The following TRIM5 variants were observed in gnomAD, a reference collection of about 807,000 sequenced individuals.
TRIM5 encodes the protein tripartite motif-containing protein 5.
TRIM5 carries 31 observed loss-of-function variants against 35.6 expected under a neutral mutation model. The observed-to-expected ratio is 0.87, with a 90% CI of 0.65 to 1.18. The LOEUF is 1.18. TRIM5 is among the 50% of genes most tolerant of loss of function. TRIM5 has a pLI of 0.00. For synonymous variants in TRIM5, 243 were observed against 215.6 expected, an observed-to-expected ratio of 1.13 and a Z score of -1.11; for missense variants, 609 against 591.6, an observed-to-expected ratio of 1.03 and a Z score of -0.31.
At chr11:5,603,049 G>A in the TRIM5 span, among the ~76,000 whole-genome samples, 1 of 152,296 alleles carries the variant, frequency 6.6e-6, no homozygotes, top group Non-Finnish European at 1.5e-5. Flanking sequence ...AGGAGCAAGA[G>A]GAAATTATCA....
At chr11:5,608,590 T>C in the TRIM5 span, among the ~76,000 whole-genome samples, 1 of 151,982 alleles carries the variant, frequency 6.6e-6, no homozygotes, top group Non-Finnish European at 1.5e-5. Flanking sequence ...ATGTGGGTGA[T>C]GGGAGGTCAG....
At chr11:5,596,988 G>C in the TRIM5 span, 127 of 1,606,888 alleles carry the variant, frequency 7.9e-5, no homozygotes, top group Non-Finnish European at 1.1e-4. Context: ...AAAGAGATAA[G>C]GTCCTTTCCC....
At chr11:5,665,563 A>G (rs775073090) in intron 7 of TRIM5, 93 bp downstream of exon 7, 1 of 1,582,222 alleles carries the variant, frequency 6.3e-7, no homozygotes, top group South Asian at 1.2e-5. Flanking sequence ...ATCTTAAAAC[A>G]TGAGCCTAAT....
At chr11:5,590,058 A>T in the TRIM5 span, 1 of 157,086 alleles carries the variant, frequency 6.4e-6, no homozygotes, top group African/African-American at 2.4e-5. Context: ...GTCCCCCAGC[A>T]GTGCCAGCCC....
chr11:5,657,434 A>G, the TRIM5 span, among the ~76,000 whole-genome samples: 1 of 148,380 alleles, frequency 6.7e-6, no homozygotes, highest in Non-Finnish European at 1.5e-5. Flanking sequence ...CGTTCTGCAC[A>G]TGTATCCCAG....
At chr11:5,610,200 A>T in the TRIM5 span, 1 of 1,614,130 alleles carries the variant, frequency 6.2e-7, no homozygotes, top group Non-Finnish European at 8.5e-7. Flanking sequence ...GCTGAGAAGT[A>T]TGTTCCGAGC....
the TRIM5 span, among the ~76,000 whole-genome samples, chr11:5,599,400 T>C: frequency 6.6e-6 from 1 of 151,126 alleles, no homozygotes; most frequent in African/African-American, 2.4e-5. Context: ...TTTATTTATT[T>C]ATTTATTTAT....
At chr11:5,652,933 G>A in the TRIM5 span, among the ~76,000 whole-genome samples, 659 of 150,782 alleles carry the variant, frequency 4.4e-3, 4 homozygotes, top group African/African-American at 0.015. Flanking sequence ...CTCACTGCAA[G>A]CTCCAGCCTC....
At position 5,664,212 on chromosome 11, in the gene TRIM5, A is replaced by AAAG. The variant is rs1850958625; in HGVS notation, c.*596_*597insCTT. ...GCAAAACTTCATCTCAAAAAAAAAA[A>AAAG]AAAAGAAAAAAGAAAAGAAAAGGAA... On this transcript the variant is annotated 3_prime_UTR_variant, in exon 8 of 8. Transcript: ENST00000380034. 1 of 977,530 alleles carries AAAG rather than the reference A, an allele frequency of 1.0e-6. No individual in the cohort carries two copies. The highest frequency in any genetic ancestry group is 6.2e-5 in the Admixed American group (1 of 16,200). 60.6% of individuals were successfully genotyped at this position (977,530 alleles called of 1,614,324 possible).
intron 4 of TRIM5, among the ~76,000 whole-genome samples, chr11:5,674,192 A>C (rs947596222): frequency 1.3e-5 from 2 of 152,222 alleles, no homozygotes; most frequent in African/African-American, 2.4e-5. Context: ...AAGAGGAGAC[A>C]TAAGTGTGTG....
chr11:5,610,051 G>C, the TRIM5 span: 4 of 1,304,472 alleles, frequency 3.1e-6, no homozygotes, highest in Non-Finnish European at 4.3e-6. Flanking sequence ...AAGGAGGATT[G>C]GAATTCATCA....
chr11:5,602,370 G>C, the TRIM5 span, among the ~76,000 whole-genome samples: 2,186 of 151,984 alleles, frequency 0.014, 21 homozygotes, highest in Middle Eastern at 0.024. Flanking sequence ...TTGAACCCAG[G>C]AGGCGGAGCT....
At chr11:5,592,043 C>CTATAGTTAA in the TRIM5 span, among the ~76,000 whole-genome samples, 1 of 152,048 alleles carries the variant, frequency 6.6e-6, no homozygotes, top group Non-Finnish European at 1.5e-5. Flanking sequence ...GAGGTCTGAT[C>CTATAGTTAA]TATAGTTAAT....
chr11:5,624,114 T>C, the TRIM5 span, among the ~76,000 whole-genome samples: 8 of 152,178 alleles, frequency 5.3e-5, no homozygotes, highest in Non-Finnish European at 1.2e-4. Context: ...GATTTCAAGG[T>C]TACCTCAGTT....
the TRIM5 span, among the ~76,000 whole-genome samples, chr11:5,601,737 G>A: frequency 3.3e-5 from 5 of 152,302 alleles, no homozygotes; most frequent in South Asian, 6.2e-4. Context: ...CAGCCTGGGC[G>A]ATAGAGCAAG....
intron 1 of TRIM5, among the ~76,000 whole-genome samples, chr11:5,682,662 T>C (rs59421945): frequency 0.019 from 2,839 of 152,300 alleles, 51 homozygotes; most frequent in Non-Finnish European, 0.03. Flanking sequence ...CAATCCCTAA[T>C]TGCCTTTAGA....
At chr11:5,602,777 A>C in the TRIM5 span, among the ~76,000 whole-genome samples, 1 of 151,292 alleles carries the variant, frequency 6.6e-6, no homozygotes, top group South Asian at 2.1e-4. Context: ...AACATGGTGA[A>C]ACTCCATCTC....
chr11:5,623,120 T>TTA, the TRIM5 span, among the ~76,000 whole-genome samples: 6 of 151,036 alleles, frequency 4.0e-5, no homozygotes, highest in Non-Finnish European at 5.9e-5. Flanking sequence ...TTTTTTTTTT[T>TTA]TTTTTTATCT....
At chr11:5,616,871 C>G in the TRIM5 span, among the ~76,000 whole-genome samples, 3 of 142,864 alleles carry the variant, frequency 2.1e-5, no homozygotes, top group Non-Finnish European at 4.6e-5. Flanking sequence ...TCCCAAGTAC[C>G]TGGGATGAAA....
Sources: gnomAD v4.1 joint callset for allele counts (sites outside exome capture counted in the v4.1 genomes callset) on GRCh38, gnomAD v4.1.1 for gene constraint, MANE v1.5 for transcripts, NCBI Gene and HGNC (gene_info 2026-07-23, HGNC 2026-07-21) for gene names.